Variants in COG5 observed in about 807,000 individuals in gnomAD.
The protein encoded by COG5 is conserved oligomeric Golgi complex subunit 5.
Under a neutral mutation model 110.4 loss-of-function variants are expected in COG5, and 86 were observed. That is an observed-to-expected ratio of 0.78 (90% CI 0.65 to 0.93). The LOEUF is 0.93. COG5 is among the 40% of genes least tolerant of loss of function. COG5 has a pLI of 0.00. For missense variants in COG5, 1,077 were observed against 987.0 expected (o/e 1.09, Z -1.22); for synonymous variants, 360 against 334.6 (o/e 1.08, Z -0.83).
chr7:107,263,455 T>C (rs572536341), intron 14 of COG5, among the ~76,000 whole-genome samples: 4 of 152,198 alleles, frequency 2.6e-5, no homozygotes, highest in East Asian at 1.9e-4. Context: ...CATTGTAAAA[T>C]AGGAGAAATG....
chr7:107,316,841 A>T (rs187957209), intron 11 of COG5, among the ~76,000 whole-genome samples: 3 of 152,112 alleles, frequency 2.0e-5, no homozygotes, highest in Non-Finnish European at 4.4e-5. Context: ...AGGAAAAAAA[A>T]AGAAAGAAAA....
Position 107,482,141 on chromosome 7 carries a change from C to CT in COG5, c.538+45095dup, listed in dbSNP as rs11345354. 3.7e-3 allele frequency among the ~76,000 whole-genome samples: 544 copies of CT among 146,218 alleles called. 3 individuals carry two copies. The highest frequency in any genetic ancestry group is 0.013 in the African/African-American group (520 of 39,486). ...GAGGTTGCAGTCCTGAAAAAAAAAT[C>CT]TTTTTTTTTTTGGTGGGGGAGACAG... On this transcript the variant is annotated intron_variant, in intron 6 of 21. Coordinates refer to ENST00000297135, the MANE Select transcript of COG5 (RefSeq NM_006348.5).
intron 7 of COG5, among the ~76,000 whole-genome samples, chr7:107,377,105 C>T (rs1253646503): frequency 3.3e-5 from 5 of 151,894 alleles, no homozygotes; most frequent in Non-Finnish European, 5.9e-5. Flanking sequence ...ATGTTTGGTC[C>T]CTCTTTCTCA....
chr7:107,390,045 T>C (rs1209082369), intron 7 of COG5, among the ~76,000 whole-genome samples: 1 of 152,210 alleles, frequency 6.6e-6, no homozygotes, highest in Non-Finnish European at 1.5e-5. Context: ...GTATCACTAA[T>C]TACAATATAT....
At position 107,211,193 on chromosome 7, in the gene COG5, G is replaced by A. The variant is rs771393553; in HGVS notation, c.2201C>T (p.Ala734Val). ...PLLFQASEHV[A>V]SSPALGDVIP... Reference sequence around the variant, plus strand: ...CACATCCCCCAATGCAGGACTACTGGCTACATGTTCACTTGCCTGGAAGAG... The same window carrying A: ...CACATCCCCCAATGCAGGACTACTGACTACATGTTCACTTGCCTGGAAGAG... The change falls in exon 20 of 22, where the codon GCC becomes GTC. Residue 734 changes from alanine (A) to valine (V), a missense_variant. Transcript: ENST00000297135. 1 of 1,614,040 alleles carries A rather than the reference G, an allele frequency of 6.2e-7. No homozygotes were observed. Among genetic ancestry groups the A allele is most frequent in the South Asian group, 1.1e-5 (1 of 91,080 alleles).
intron 5 of COG5, among the ~76,000 whole-genome samples, chr7:107,535,634 A>T (rs886109369): frequency 6.6e-6 from 1 of 152,214 alleles, no homozygotes; most frequent in Non-Finnish European, 1.5e-5. Flanking sequence ...CCCTGAATAG[A>T]CCAATAACAA....
At chr7:107,387,879 C>A (rs1790323572) in intron 7 of COG5, among the ~76,000 whole-genome samples, 1 of 152,206 alleles carries the variant, frequency 6.6e-6, no homozygotes, top group African/African-American at 2.4e-5. Flanking sequence ...TAATTAGGTA[C>A]ATTCTTGAGC....
chr7:107,201,638 A>T lies in COG5; in HGVS notation c.*1878T>A, dbSNP rs996635341. 9.4e-6 allele frequency: 4 copies of T among 426,026 alleles called. No individual in the cohort carries two copies. The highest frequency in any genetic ancestry group is 6.1e-5 in the African/African-American group (3 of 49,002). 26.4% of individuals were successfully genotyped at this position (426,026 alleles called of 1,614,324 possible). ...TAAGCTAAAACTATCAACATTTTAA[A>T]CCAAATTGCCTTATTTTTCTTCCAA... is the stretch of plus-strand genomic sequence containing the variant. On this transcript the variant is annotated 3_prime_UTR_variant, in exon 22 of 22. Transcript: ENST00000297135.
chr7:107,210,101 T>C, intron 21 of COG5: 1 of 1,044,746 alleles, frequency 9.6e-7, no homozygotes, highest in Non-Finnish European at 1.2e-6. Flanking sequence ...TGGGTTGTTC[T>C]TGTTTCCTCC....
chr7:107,547,955 G>C (rs753861244), intron 5 of COG5, 156 bp downstream of exon 5: 1 of 655,046 alleles, frequency 1.5e-6, no homozygotes, highest in Non-Finnish European at 2.7e-6. Flanking sequence ...TATTTTTTGA[G>C]CTAGACATCT....
chr7:107,455,136 T>C (rs927737225), intron 6 of COG5, among the ~76,000 whole-genome samples: 3 of 152,148 alleles, frequency 2.0e-5, no homozygotes, highest in Admixed American at 6.5e-5. Context: ...ATGGCATGAA[T>C]ACAAAATTTA....
intron 6 of COG5, among the ~76,000 whole-genome samples, chr7:107,480,198 T>G (rs1797252924): frequency 6.6e-6 from 1 of 152,120 alleles, no homozygotes; most frequent in Admixed American, 6.6e-5. Flanking sequence ...AAAATTAAAA[T>G]TTTTAATAGC....
chr7:107,350,130 A>G (rs923828852), intron 10 of COG5, among the ~76,000 whole-genome samples: 1 of 152,172 alleles, frequency 6.6e-6, no homozygotes, highest in African/African-American at 2.4e-5. Flanking sequence ...ATGTATTGAG[A>G]GGATCATACA....
chr7:107,472,217 T>C (rs775835415), intron 6 of COG5: 3 of 152,000 alleles, frequency 2.0e-5, no homozygotes, highest in Non-Finnish European at 4.4e-5. Flanking sequence ...CTAAATCTCA[T>C]AATGCATGCA....
intron 10 of COG5, among the ~76,000 whole-genome samples, chr7:107,326,714 A>G (rs1809796906): frequency 1.3e-5 from 2 of 152,220 alleles, no homozygotes; most frequent in Admixed American, 1.3e-4. Context: ...TAAAATGTCC[A>G]TACTCCCCAA....
chr7:107,431,378 T>C (rs1375802618), intron 6 of COG5, among the ~76,000 whole-genome samples: 1 of 152,164 alleles, frequency 6.6e-6, no homozygotes, highest in African/African-American at 2.4e-5. Flanking sequence ...AGTAAAGATA[T>C]CTATAGAGGG....
At chr7:107,248,194 A>T (rs368219224) in intron 17 of COG5, among the ~76,000 whole-genome samples, 29 of 152,204 alleles carry the variant, frequency 1.9e-4, no homozygotes, top group South Asian at 1.9e-3. Flanking sequence ...TTTTAAAAAG[A>T]GAAGTGATGA....
intron 11 of COG5, among the ~76,000 whole-genome samples, chr7:107,312,608 T>C (rs1808371299): frequency 6.6e-6 from 1 of 152,114 alleles, no homozygotes; most frequent in Non-Finnish European, 1.5e-5. Context: ...TATTTGTAAA[T>C]GCTGAGGAGA....
chr7:107,247,914 G>T (rs948730804), intron 17 of COG5, among the ~76,000 whole-genome samples: 1 of 152,188 alleles, frequency 6.6e-6, no homozygotes, highest in Non-Finnish European at 1.5e-5. Flanking sequence ...GCTGCAGCTT[G>T]CCCAGAGCCA....
Sources: allele counts gnomAD v4.1 joint callset (sites outside exome capture counted in the v4.1 genomes callset), GRCh38; gene constraint gnomAD v4.1.1; transcripts MANE v1.5; gene names NCBI Gene and HGNC (gene_info 2026-07-23, HGNC 2026-07-21).